The following B3GNT4 variants were observed in gnomAD, a reference collection of about 807,000 sequenced individuals.
The protein encoded by B3GNT4 is UDP-GlcNAc:betaGal beta-1,3-N-acetylglucosaminyltransferase 4, also known as N-acetyllactosaminide beta-1,3-N-acetylglucosaminyltransferase 4.
In B3GNT4, 2 loss-of-function variants were observed where a neutral mutation model predicts 2.7. The observed-to-expected ratio is 0.73, with a 90% CI of 0.30 to 2.31. The LOEUF is 2.31. Among genes scored for constraint, B3GNT4 ranks in the 30% most tolerant of loss-of-function variants. B3GNT4 has a pLI of 0.12. For synonymous variants in B3GNT4, 280 were observed against 203.4 expected (o/e 1.38, Z -3.20); for missense variants, 708 against 490.9 (o/e 1.44, Z -4.18).
At position 122,208,347 on chromosome 12, in the gene B3GNT4, C is replaced by A; in HGVS notation, c.*959C>A. 1 of 1,609,484 alleles carries A rather than the reference C, an allele frequency of 6.2e-7. No homozygotes were observed. Among genetic ancestry groups the A allele is most frequent in the Non-Finnish European group, 8.5e-7 (1 of 1,179,576 alleles). ...GTGGCATCTGCCCCTGCTTTCCCCA[C>A]TGAGTGGGGAGACAGGGCAGTGTGC... On this transcript the variant is annotated 3_prime_UTR_variant, in exon 3 of 3. Coordinates refer to ENST00000324189, the MANE Select transcript of B3GNT4 (RefSeq NM_030765.4).
Position 122,207,866 on chromosome 12 carries a change from C to T in B3GNT4, c.*478C>T, listed in dbSNP as rs1212828398. 2.2e-6 allele frequency: 1 copy of T among 460,622 alleles called. No homozygotes were observed. The highest frequency in any genetic ancestry group is 1.5e-5 in the South Asian group (1 of 64,534). 28.5% of individuals were successfully genotyped at this position (460,622 alleles called of 1,614,324 possible). On this transcript the variant is annotated 3_prime_UTR_variant, in exon 3 of 3. Coordinates refer to ENST00000324189, the MANE Select transcript of B3GNT4 (RefSeq NM_030765.4). ...AGTAATAGGTTTTTCACTCCTTGGC[C>T]TCAGCTGTCCTCACAGGACAGTGGG...
Position 122,206,435 on chromosome 12 carries a change from C to T in B3GNT4, c.184C>T (p.His62Tyr). The change falls in exon 3 of 3, where the codon CAC (histidine) becomes TAC (tyrosine). Residue 62 changes from histidine (H) to tyrosine (Y), a missense_variant. Coordinates refer to ENST00000324189, the MANE Select transcript of B3GNT4 (RefSeq NM_030765.4). ...AAKPAGDPTAHQPFWAPPTPR... is the reference protein window; with the variant it reads ...AAKPAGDPTAYQPFWAPPTPR... The stretch of plus-strand genomic sequence containing the variant: ...CAAGCCCGCAGGAGACCCCACGGCC[C>T]ACCAGCCTTTCTGGGCTCCCCCAAC... 6.2e-7 allele frequency: 1 copy of T among 1,614,088 alleles called. No homozygotes were observed. Among genetic ancestry groups the T allele is most frequent in the Non-Finnish European group, 8.5e-7 (1 of 1,180,012 alleles).
chr12:122,204,888 A>C lies in B3GNT4; in HGVS notation c.66+204A>C, dbSNP rs1012990485. 1.2e-5 allele frequency: 7 copies of C among 567,736 alleles called. No individual in the cohort carries two copies. The African/African-American group carries it at 1.3e-4, about 11-fold the overall frequency. The allele number at this position is 567,736 out of a possible 1,614,324, so 35.2% of individuals were successfully genotyped here. ...ACCACATCTCTACAAAAAATAAATTAGCCGGGCCCTGCACGCCTGTAGTCC... is the reference window on the plus strand; with the variant it reads ...ACCACATCTCTACAAAAAATAAATTCGCCGGGCCCTGCACGCCTGTAGTCC... On this transcript the variant is annotated intron_variant, in intron 2 of 2. Coordinates refer to ENST00000324189, the MANE Select transcript of B3GNT4 (RefSeq NM_030765.4).
In B3GNT4 at chr12:122,208,826, A is replaced by G; in HGVS notation, c.*1438A>G. On this transcript the variant is annotated 3_prime_UTR_variant, in exon 3 of 3. Coordinates refer to ENST00000324189, the MANE Select transcript of B3GNT4 (RefSeq NM_030765.4). The stretch of plus-strand genomic sequence containing the variant: ...GCCAACATCACAATTATTAAATGCA[A>G]CTCTCACAATCATCTTTATAGCTAC... The G allele has an allele frequency of 3.3e-6, 2 of 603,466 alleles. No individual in the cohort carries two copies. The highest frequency in any genetic ancestry group is 2.1e-5 in the Admixed American group (1 of 46,922). 37.4% of individuals were successfully genotyped at this position (603,466 alleles called of 1,614,324 possible).
chr12:122,208,799 C>G lies in B3GNT4; in HGVS notation c.*1411C>G, dbSNP rs374121145. ...AACAGCATTTTTCTTCAGCTGTCAG[C>G]GGCCAACATCACAATTATTAAATGC... On this transcript the variant is annotated 3_prime_UTR_variant, in exon 3 of 3. Coordinates refer to ENST00000324189, the MANE Select transcript of B3GNT4 (RefSeq NM_030765.4). The G allele has an allele frequency of 6.2e-6, 4 of 647,768 alleles. No homozygotes were observed. In the Admixed American group the frequency reaches 6.2e-5, roughly 10 times the overall value. 40.1% of individuals were successfully genotyped at this position (647,768 alleles called of 1,614,324 possible). A position where few individuals can be genotyped will look rare whatever the true frequency, so the allele number is the denominator to read the frequency against.
Position 122,206,769 on chromosome 12 carries a change from A to G in B3GNT4, c.518A>G (p.Tyr173Cys), listed in dbSNP as rs780092537. The G allele has an allele frequency of 3.2e-5, 51 of 1,606,792 alleles. No homozygotes were observed. Among genetic ancestry groups the G allele is most frequent in the South Asian group, 1.6e-4 (14 of 90,246 alleles). Residue 173 changes from tyrosine (Y) to cysteine (C), a missense_variant, in exon 3 of 3, where the codon TAT becomes TGT. By Grantham distance (194) the Tyr-to-Cys change is radical (BLOSUM62 -2). Coordinates refer to ENST00000324189, the MANE Select transcript of B3GNT4 (RefSeq NM_030765.4). ...GSAPPAQLLA[Y>C]ESREFDDILQ... ...GCTCCCCCAGCCCAGCTGCTGGCCT[A>G]TGAGAGTAGGGAGTTTGATGACATC...
Position 122,206,348 on chromosome 12 carries a change from C to T in B3GNT4, c.97C>T (p.Leu33=), listed in dbSNP as rs1215833673. ...GPAMLCRLCW[L]VSYSLAVLLL... ...GGCGATGCTCTGCAGGCTGTGCTGG[C>T]TGGTCTCGTACAGCTTGGCTGTGCT... is the stretch of plus-strand genomic sequence containing the variant. The change falls in exon 3 of 3, where the codon CTG becomes TTG. Residue 33 remains leucine, a synonymous_variant. Transcript: ENST00000324189. The T allele has an allele frequency of 1.3e-6, 2 of 1,594,574 alleles. No individual in the cohort carries two copies. The highest frequency in any genetic ancestry group is 8.5e-7 in the Non-Finnish European group (1 of 1,170,804).
chr12:122,204,341 G>C (rs1178349753), intron 1 of B3GNT4, among the ~76,000 whole-genome samples, 181 bp from the exon 2 acceptor site: 1 of 151,810 alleles, frequency 6.6e-6, no homozygotes, highest in African/African-American at 2.4e-5. Context: ...GGGTCTCCGC[G>C]GCTCGGAGGG....
At position 122,207,678 on chromosome 12, in the gene B3GNT4, A is replaced by G. The variant is rs569965430; in HGVS notation, c.*290A>G. On this transcript the variant is annotated 3_prime_UTR_variant, in exon 3 of 3. Transcript: ENST00000324189. ...GAGGCTGCATAGGACCCCAGGAGAG[A>G]CGCATTTTCTCTTTCAGATGCAAAC... The G allele has an allele frequency of 2.4e-5, 15 of 621,336 alleles. No homozygotes were observed. Among genetic ancestry groups the G allele is most frequent in the South Asian group, 2.0e-4 (13 of 65,858 alleles). The allele number at this position is 621,336 out of a possible 1,614,324, so 38.5% of individuals were successfully genotyped here. A position where few individuals can be genotyped will look rare whatever the true frequency, so the allele number is the denominator to read the frequency against.
In B3GNT4 at chr12:122,206,461, ACC is replaced by A. The variant is rs749251288; in HGVS notation, c.213_214del (p.Arg72SerfsTer12). The A allele has an allele frequency of 1.2e-6, 2 of 1,613,520 alleles. No homozygotes were observed. Among genetic ancestry groups the A allele is most frequent in the African/African-American group, 2.7e-5 (2 of 74,778 alleles). On this transcript the variant is annotated frameshift_variant, in exon 3 of 3. Transcript: ENST00000324189. LOFTEE classifies it low-confidence loss of function (END_TRUNC). ...AHQPFWAPPT[P>X]RHSRCPPNHT... ...ACCAGCCTTTCTGGGCTCCCCCAAC[ACC>A]CCGTCACAGCCGGTGTCCACCCAAC...
rs951044955 is a variant in B3GNT4, at chr12:122,203,776, C to T, written c.-123C>T. ...CCCTGGCTCCGCTGCACGAGCTCCA[C>T]GCCCGTACCCCGGCGTCACGCTCAG... On this transcript the variant is annotated 5_prime_UTR_variant, in exon 1 of 3. The change creates a new upstream start codon in the 5' untranslated region. Coordinates refer to ENST00000324189, the MANE Select transcript of B3GNT4 (RefSeq NM_030765.4). The T allele has an allele frequency of 1.1e-4, 22 of 202,672 alleles. No homozygotes were observed. Among genetic ancestry groups the T allele is most frequent in the Non-Finnish European group, 3.0e-5 (3 of 101,356 alleles). 12.6% of individuals were successfully genotyped at this position (202,672 alleles called of 1,614,324 possible).
Position 122,204,562 on chromosome 12 carries a change from C to A in B3GNT4, c.-57C>A, listed in dbSNP as rs372784600. The A allele has an allele frequency of 7.0e-7, 1 of 1,423,836 alleles. No individual in the cohort carries two copies. Among genetic ancestry groups the A allele is most frequent in the Non-Finnish European group, 9.8e-7 (1 of 1,019,620 alleles). The allele number at this position is 1,423,836 out of a possible 1,614,324, so 88.2% of individuals were successfully genotyped here. A position where few individuals can be genotyped will look rare whatever the true frequency, so the allele number is the denominator to read the frequency against. On this transcript the variant is annotated 5_prime_UTR_variant, in exon 2 of 3. Transcript: ENST00000324189. ...CACCTGAGACTCATCTCGCTTCGAC[C>A]CCGCCGCCGCCGCCGCCCGGCATCC...
At position 122,208,702 on chromosome 12, in the gene B3GNT4, CCT is replaced by C. The variant is rs1566020195; in HGVS notation, c.*1315_*1316del. The stretch of plus-strand genomic sequence containing the variant: ...TCTTGGGGTCACTTTCCTTGACCTC[CCT>C]GTCTTCTCTCTCTGCAAAGAAACTT... On this transcript the variant is annotated 3_prime_UTR_variant, in exon 3 of 3. Coordinates refer to ENST00000324189, the MANE Select transcript of B3GNT4 (RefSeq NM_030765.4). 1 of 893,862 alleles carries C rather than the reference CCT, an allele frequency of 1.1e-6. No individual in the cohort carries two copies. The highest frequency in any genetic ancestry group is 2.6e-5 in the East Asian group (1 of 38,064). The allele number at this position is 893,862 out of a possible 1,614,324, so 55.4% of individuals were successfully genotyped here.
At position 122,207,416 on chromosome 12, in the gene B3GNT4, T is replaced by G. The variant is rs1164928987; in HGVS notation, c.*28T>G. 6 of 1,506,884 alleles carry G rather than the reference T, an allele frequency of 4.0e-6. No homozygotes were observed. Among genetic ancestry groups the G allele is most frequent in the Non-Finnish European group, 5.3e-6 (6 of 1,129,282 alleles). 93.3% of individuals were successfully genotyped at this position (1,506,884 alleles called of 1,614,324 possible). On this transcript the variant is annotated 3_prime_UTR_variant, in exon 3 of 3. Transcript: ENST00000324189. ...GGTGGGTTGGGCAACAGCCTGAGAG[T>G]GGACTCAGTGTTGATTCTCTATCGT...
Position 122,206,348 on chromosome 12 carries a change from CTGGTCTCGTACAGCTTGGCTGTGCTGTT to C in B3GNT4, c.98_125del (p.Leu33ArgfsTer8), listed in dbSNP as rs1953914865. 6.3e-7 allele frequency: 1 copy of C among 1,594,574 alleles called. No individual in the cohort carries two copies. Among genetic ancestry groups the C allele is most frequent in the South Asian group, 1.1e-5 (1 of 88,212 alleles). On this transcript the variant is annotated frameshift_variant, in exon 3 of 3. Coordinates refer to ENST00000324189, the MANE Select transcript of B3GNT4 (RefSeq NM_030765.4). LOFTEE classifies it low-confidence loss of function (END_TRUNC). Reference sequence around the variant, plus strand: ...GGCGATGCTCTGCAGGCTGTGCTGGCTGGTCTCGTACAGCTTGGCTGTGCTGTTGCTCGGCTGCCTGCTCTTCCTGAGG... The same window carrying C: ...GGCGATGCTCTGCAGGCTGTGCTGGCGCTCGGCTGCCTGCTCTTCCTGAGG...
At chr12:122,204,055 G>A (rs1953882855) in intron 1 of B3GNT4, among the ~76,000 whole-genome samples, 1 of 151,920 alleles carries the variant, frequency 6.6e-6, no homozygotes, top group Non-Finnish European at 1.5e-5. Flanking sequence ...GGTAGACCCC[G>A]CCAGCCTGGG....
rs765853732 is a variant in B3GNT4, at chr12:122,206,674, G to T, written c.423G>T (p.Trp141Cys). The change falls in exon 3 of 3, where the codon TGG becomes TGT. Residue 141 changes from tryptophan to cysteine, a missense_variant. By Grantham distance (215) the Trp-to-Cys change is radical. Transcript: ENST00000324189. ...VERRAAIRST[W>C]GRVGGWARGR... ...GACGTGCGGCTATCCGCAGCACGTGGGGCAGGGTGGGGGGATGGGCTAGGG... is the reference window on the plus strand; with the variant it reads ...GACGTGCGGCTATCCGCAGCACGTGTGGCAGGGTGGGGGGATGGGCTAGGG... 10 of 1,613,074 alleles carry T rather than the reference G, an allele frequency of 6.2e-6. No individual in the cohort carries two copies. Among genetic ancestry groups the T allele is most frequent in the Middle Eastern group, 1.6e-4 (1 of 6,084 alleles).
At chr12:122,204,339 G>T (rs1028204983) in intron 1 of B3GNT4, among the ~76,000 whole-genome samples, 183 bp from the exon 2 acceptor site, 12 of 151,776 alleles carry the variant, frequency 7.9e-5, no homozygotes, top group African/African-American at 2.9e-4. Flanking sequence ...TGGGGTCTCC[G>T]CGGCTCGGAG....
In B3GNT4 at chr12:122,204,600, C is replaced by A; in HGVS notation, c.-19C>A. The A allele has an allele frequency of 6.2e-7, 1 of 1,601,498 alleles. No homozygotes were observed. Among genetic ancestry groups the A allele is most frequent in the Non-Finnish European group, 8.5e-7 (1 of 1,169,680 alleles). On this transcript the variant is annotated 5_prime_UTR_variant, in exon 2 of 3. Transcript: ENST00000324189. Reference sequence around the variant, plus strand: ...CCGCCCGGCATCCTGAGCACGGAGACAGTCTCCAGCTGCCGTTCATGCTTC... The same window carrying A: ...CCGCCCGGCATCCTGAGCACGGAGAAAGTCTCCAGCTGCCGTTCATGCTTC...
Sources: gnomAD v4.1 joint callset for allele counts (sites outside exome capture counted in the v4.1 genomes callset) on GRCh38, gnomAD v4.1.1 for gene constraint, MANE v1.5 for transcripts, NCBI Gene and HGNC (gene_info 2026-07-23, HGNC 2026-07-21) for gene names.